Variants in DHRS12 observed in about 807,000 individuals in gnomAD.
DHRS12 encodes dehydrogenase/reductase SDR family member 12.
In DHRS12, 29 loss-of-function variants were observed where a neutral mutation model predicts 32.1. That is an observed-to-expected ratio of 0.90 (90% CI 0.67 to 1.23). The LOEUF is 1.23. Ranked by LOEUF, DHRS12 falls within the 50% of genes most tolerant of loss-of-function variation. The pLI, the probability that DHRS12 is intolerant of heterozygous loss-of-function variation, is 0.00. For missense variants in DHRS12, 330 were observed against 337.2 expected, an observed-to-expected ratio of 0.98 and a Z score of 0.17; for synonymous variants, 150 against 135.9, an observed-to-expected ratio of 1.10 and a Z score of -0.72.
At chr13:51,773,834 G>T in intron 6 of DHRS12, 96 bp downstream of exon 6, 1 of 1,027,080 alleles carries the variant, frequency 9.7e-7, no homozygotes, top group Non-Finnish European at 1.5e-6. Flanking sequence ...AACTACTAAG[G>T]TCCGATTAAT....
At chr13:51,785,049 G>A (rs937084663) in intron 4 of DHRS12, among the ~76,000 whole-genome samples, 3 of 152,160 alleles carry the variant, frequency 2.0e-5, no homozygotes, top group Admixed American at 6.6e-5. Context: ...CCAACATAGT[G>A]AAACCCCATC....
chr13:51,760,123 G>T, the DHRS12 span: 1 of 206,978 alleles, frequency 4.8e-6, no homozygotes, highest in Admixed American at 5.4e-5. Context: ...AAATAAGGGA[G>T]GTATCTACTC....
At chr13:51,798,249 T>C (rs535478435) in intron 2 of DHRS12, among the ~76,000 whole-genome samples, 30 of 152,290 alleles carry the variant, frequency 2.0e-4, no homozygotes, top group East Asian at 7.7e-4. Flanking sequence ...TTTAGACTCA[T>C]GTAGGGAGCT....
At chr13:51,783,472 A>G (rs1301910008) in intron 4 of DHRS12, among the ~76,000 whole-genome samples, 1 of 152,188 alleles carries the variant, frequency 6.6e-6, no homozygotes, top group East Asian at 1.9e-4. Flanking sequence ...GATATAATAT[A>G]TATATAATGT....
the DHRS12 span, among the ~76,000 whole-genome samples, chr13:51,759,518 T>G: frequency 6.6e-6 from 1 of 152,214 alleles, no homozygotes. Context: ...CTGCCATGAT[T>G]CTTCATGAGC....
intron 4 of DHRS12, among the ~76,000 whole-genome samples, chr13:51,789,029 C>T (rs1384236213): frequency 6.6e-6 from 1 of 152,186 alleles, no homozygotes; most frequent in Non-Finnish European, 1.5e-5. Flanking sequence ...CCATTTGGCT[C>T]TTGCACTGAG....
At chr13:51,760,419 G>C in the DHRS12 span, 1 of 151,922 alleles carries the variant, frequency 6.6e-6, no homozygotes, top group Non-Finnish European at 1.5e-5. Flanking sequence ...AAAAGACTGT[G>C]TTTCTGCCTC....
chr13:51,771,534 C>T, intron 7 of DHRS12: 1 of 1,611,890 alleles, frequency 6.2e-7, no homozygotes, highest in Non-Finnish European at 8.5e-7. Flanking sequence ...CTCCCTCTCT[C>T]ACCAGGATAT....
rs528567460 is a variant in DHRS12 at position 51,771,005 on chromosome 13, C to T, written c.559+816G>A. On this transcript the variant is annotated intron_variant, in intron 7 of 8. Coordinates refer to ENST00000444610, the MANE Select transcript of DHRS12 (RefSeq NM_001377533.1). ...TGATAAATAGTGATTTTCAGAAAGGCCATGCCAGCAGTGTGTGAGAGCCTG... is the reference window on the plus strand; with the variant it reads ...TGATAAATAGTGATTTTCAGAAAGGTCATGCCAGCAGTGTGTGAGAGCCTG... 27 of 1,394,848 alleles carry T rather than the reference C, an allele frequency of 1.9e-5. No individual in the cohort carries two copies. In the South Asian group the frequency reaches 3.8e-4, roughly 20 times the overall value. 86.4% of individuals were successfully genotyped at this position (1,394,848 alleles called of 1,614,324 possible).
At chr13:51,768,354 T>C (rs1426297376) in intron 8 of DHRS12, 58 bp from the exon 9 acceptor site, 3 of 1,533,284 alleles carry the variant, frequency 2.0e-6, no homozygotes, top group African/African-American at 1.4e-5. Context: ...GCTGGGTCCA[T>C]GTCCCTGTGC....
chr13:51,769,363 TAAA>T (rs11374211), intron 7 of DHRS12, 70 bp from the exon 8 acceptor site: 190 of 1,012,716 alleles, frequency 1.9e-4, no homozygotes, highest in Middle Eastern at 5.7e-4. Context: ...TCCCTTAATT[TAAA>T]AAAAAAAAAA....
At chr13:51,758,723 G>A in the DHRS12 span, among the ~76,000 whole-genome samples, 13 of 152,150 alleles carry the variant, frequency 8.5e-5, no homozygotes, top group Non-Finnish European at 1.6e-4. Flanking sequence ...TAAAAAGACT[G>A]TAATAGGTCA....
intron 4 of DHRS12, among the ~76,000 whole-genome samples, chr13:51,783,313 G>T (rs60088776): frequency 0.012 from 1,791 of 152,112 alleles, 29 homozygotes; most frequent in African/African-American, 0.041. Context: ...CTCAAGCTGA[G>T]GACACAGTCT....
intron 2 of DHRS12, among the ~76,000 whole-genome samples, chr13:51,792,148 AT>A (rs1299747219): frequency 6.6e-6 from 1 of 152,158 alleles, no homozygotes; most frequent in Non-Finnish European, 1.5e-5. Context: ...TGGTAGCTCT[AT>A]TTTGAATTTT....
At chr13:51,758,117 C>A in the DHRS12 span, 1 of 1,227,436 alleles carries the variant, frequency 8.1e-7, no homozygotes, top group Non-Finnish European at 1.1e-6. Flanking sequence ...AATTTAGAGC[C>A]TAATGTCATC....
intron 4 of DHRS12, among the ~76,000 whole-genome samples, chr13:51,785,805 C>A (rs1954928824): frequency 6.6e-6 from 1 of 152,196 alleles, no homozygotes; most frequent in African/African-American, 2.4e-5. Flanking sequence ...GCTGATGATA[C>A]AACCCTACAC....
chr13:51,796,687 T>C (rs1229746055), intron 2 of DHRS12, among the ~76,000 whole-genome samples: 2 of 152,234 alleles, frequency 1.3e-5, no homozygotes. Flanking sequence ...ATTAGTATTC[T>C]TGTTGCATCC....
At position 51,768,096 on chromosome 13, in the gene DHRS12, T is replaced by G; in HGVS notation, c.*91A>C. The G allele has an allele frequency of 7.3e-6, 11 of 1,500,560 alleles. No individual in the cohort carries two copies. The highest frequency in any genetic ancestry group is 9.7e-6 in the Non-Finnish European group (11 of 1,130,118). The allele number at this position is 1,500,560 out of a possible 1,614,324, so 93.0% of individuals were successfully genotyped here. ...AGGCACAACGTCTTCGAGGGGAAGT[T>G]GAAGTGGGGTCTTCTTATTCACTGG... is the stretch of plus-strand genomic sequence containing the variant. On this transcript the variant is annotated 3_prime_UTR_variant, in exon 9 of 9. Coordinates refer to ENST00000444610, the MANE Select transcript of DHRS12 (RefSeq NM_001377533.1).
intron 6 of DHRS12, among the ~76,000 whole-genome samples, chr13:51,772,236 ACT>A (rs1475282680): frequency 2.0e-5 from 3 of 151,986 alleles, no homozygotes; most frequent in South Asian, 2.1e-4. Context: ...CGCCTGGGTG[ACT>A]CTATTCTTTG....
Sources: gnomAD v4.1 joint callset for allele counts (sites outside exome capture counted in the v4.1 genomes callset) on GRCh38, gnomAD v4.1.1 for gene constraint, MANE v1.5 for transcripts, NCBI Gene and HGNC (gene_info 2026-07-23, HGNC 2026-07-21) for gene names.